ADGRL3: variants seen among roughly 807,000 people sequenced by gnomAD.
ADGRL3 encodes the protein calcium-independent alpha-latrotoxin receptor 3.
In ADGRL3, 62 loss-of-function variants were observed where a neutral mutation model predicts 153.5. The observed-to-expected ratio is 0.40, with a 90% CI of 0.33 to 0.50. ADGRL3 has a LOEUF of 0.50. Ranked by LOEUF, ADGRL3 falls within the 20% of genes least tolerant of loss-of-function variation. The pLI, the probability that ADGRL3 is intolerant of heterozygous loss-of-function variation, is 0.47. For missense variants in ADGRL3, 1,641 were observed against 1,859.4 expected, an observed-to-expected ratio of 0.88 and a Z score of 2.16; for synonymous variants, 710 against 672.5, an observed-to-expected ratio of 1.06 and a Z score of -0.86.
At chr4:61,831,975 C>T (rs1008646477) in intron 9 of ADGRL3, among the ~76,000 whole-genome samples, 49 of 152,096 alleles carry the variant, frequency 3.2e-4, no homozygotes, top group Admixed American at 1.5e-3. Context: ...TGAGCCAGTT[C>T]AAGCCCTAGA....
At chr4:62,053,758 G>A (rs1735522281) in intron 25 of ADGRL3, among the ~76,000 whole-genome samples, 1 of 151,390 alleles carries the variant, frequency 6.6e-6, no homozygotes, top group Non-Finnish European at 1.5e-5. Flanking sequence ...ATTTTGTTCA[G>A]ACACACTTTT....
chr4:61,972,251 G>C (rs2099030990), intron 17 of ADGRL3, among the ~76,000 whole-genome samples: 1 of 152,138 alleles, frequency 6.6e-6, no homozygotes, highest in South Asian at 2.1e-4. Context: ...GTCCTGAATG[G>C]TAATGCCTAG....
chr4:61,395,418 T>C (rs937473197), intron 2 of ADGRL3, among the ~76,000 whole-genome samples: 2 of 151,952 alleles, frequency 1.3e-5, no homozygotes, highest in Admixed American at 1.3e-4. Flanking sequence ...CAAAGAATAA[T>C]GAATTAATGG....
intron 6 of ADGRL3, among the ~76,000 whole-genome samples, chr4:61,701,427 A>G (rs890381733): frequency 7.5e-6 from 1 of 133,518 alleles, no homozygotes; most frequent in African/African-American, 2.9e-5. Context: ...CATTAAAGGT[A>G]CAATTTTTTT....
chr4:61,421,032 C>T (rs372273023), intron 2 of ADGRL3, among the ~76,000 whole-genome samples: 1 of 151,816 alleles, frequency 6.6e-6, no homozygotes, highest in South Asian at 2.1e-4. Context: ...AAATGCTGGC[C>T]GGGCACAGTG....
intron 1 of ADGRL3, among the ~76,000 whole-genome samples, chr4:61,312,224 A>T (rs566606246): frequency 2.0e-5 from 3 of 152,326 alleles, no homozygotes; most frequent in African/African-American, 7.2e-5. Flanking sequence ...CATGAAAAAC[A>T]TAAAAAATGA....
chr4:61,853,551 G>C (rs1255917532), intron 9 of ADGRL3, among the ~76,000 whole-genome samples: 6 of 152,120 alleles, frequency 3.9e-5, no homozygotes, highest in African/African-American at 1.4e-4. Flanking sequence ...AAATGTAAAA[G>C]CACCTTCTGG....
chr4:61,639,483 T>G (rs1051440185), intron 5 of ADGRL3, among the ~76,000 whole-genome samples: 2 of 152,160 alleles, frequency 1.3e-5, no homozygotes, highest in Non-Finnish European at 2.9e-5. Context: ...CTATACTATA[T>G]ACTTTTAACA....
chr4:61,267,950 G>C (rs147042602), intron 1 of ADGRL3, among the ~76,000 whole-genome samples: 2 of 151,622 alleles, frequency 1.3e-5, no homozygotes. Flanking sequence ...AATCAAGTAA[G>C]TTTTATGGAA....
chr4:61,859,118 C>T (rs28421285), intron 9 of ADGRL3, among the ~76,000 whole-genome samples: 36,363 of 151,966 alleles, frequency 0.24, 5,179 homozygotes, highest in East Asian at 0.59. Flanking sequence ...GGACTCATCC[C>T]AGCCTTCTTT....
chr4:61,503,823 G>A (rs1354595556), intron 3 of ADGRL3, among the ~76,000 whole-genome samples: 2 of 152,056 alleles, frequency 1.3e-5, no homozygotes, highest in African/African-American at 4.8e-5. Flanking sequence ...AGTCTATAAT[G>A]ATCAAATTGG....
intron 21 of ADGRL3, among the ~76,000 whole-genome samples, chr4:62,009,087 GA>G (rs1329793966): frequency 6.6e-6 from 1 of 152,042 alleles, no homozygotes; most frequent in Non-Finnish European, 1.5e-5. Context: ...ACACTACTAC[GA>G]AATCACCTAA....
At chr4:61,261,540 T>C (rs1578021440) in intron 1 of ADGRL3, among the ~76,000 whole-genome samples, 1 of 152,100 alleles carries the variant, frequency 6.6e-6, no homozygotes, top group East Asian at 1.9e-4. Context: ...CAGAGAGCAA[T>C]TGTATTTTGA....
intron 1 of ADGRL3, among the ~76,000 whole-genome samples, chr4:61,363,950 A>G (rs2096342118): frequency 6.6e-6 from 1 of 152,090 alleles, no homozygotes; most frequent in African/African-American, 2.4e-5. Flanking sequence ...TATATTTTAT[A>G]TGTCATATAT....
intron 8 of ADGRL3, among the ~76,000 whole-genome samples, chr4:61,752,203 T>A (rs1201958981): frequency 6.6e-6 from 1 of 152,170 alleles, no homozygotes; most frequent in South Asian, 2.1e-4. Flanking sequence ...TTAACAAGAA[T>A]AAAGAATAGA....
chr4:61,378,163 T>G (rs554176976), intron 1 of ADGRL3, among the ~76,000 whole-genome samples: 2 of 152,020 alleles, frequency 1.3e-5, no homozygotes, highest in Non-Finnish European at 2.9e-5. Flanking sequence ...CAAAATGACA[T>G]AGGACCCCCA....
intron 4 of ADGRL3, among the ~76,000 whole-genome samples, chr4:61,528,924 G>C (rs2098595037): frequency 6.6e-6 from 1 of 152,060 alleles, no homozygotes; most frequent in Admixed American, 6.6e-5. Flanking sequence ...CAGACACCTA[G>C]CCACAGCTGT....
chr4:61,367,285 G>C (rs2096417130), intron 1 of ADGRL3, among the ~76,000 whole-genome samples: 1 of 149,460 alleles, frequency 6.7e-6, no homozygotes, highest in Non-Finnish European at 1.5e-5. Flanking sequence ...TGTGCACATT[G>C]TGCAGGTTAG....
Position 61,638,693 on chromosome 4 carries a change from T to G in ADGRL3, c.474-38133T>G, listed in dbSNP as rs141935685. 4.3e-3 allele frequency among the ~76,000 whole-genome samples: 655 copies of G among 152,260 alleles called. 1 individual carries two copies. Among genetic ancestry groups the G allele is most frequent in the African/African-American group, 0.015 (618 of 41,562 alleles). On this transcript the variant is annotated intron_variant, in intron 5 of 26. Coordinates refer to ENST00000683033, the MANE Select transcript of ADGRL3 (RefSeq NM_001387552.1). ...AATATTCTACACAAATAGTGTTTTA[T>G]TTAGGCTTCAAAATTACTCTAAGTT...
Sources: gnomAD v4.1 joint callset for allele counts (sites outside exome capture counted in the v4.1 genomes callset) on GRCh38, gnomAD v4.1.1 for gene constraint, MANE v1.5 for transcripts, NCBI Gene and HGNC (gene_info 2026-07-23, HGNC 2026-07-21) for gene names.